Variants in COL16A1 observed in about 807,000 individuals in gnomAD.
The protein encoded by COL16A1 is collagen type XVI alpha 1 chain, also known as collagen alpha-1(XVI) chain.
A neutral mutation model predicts 266.3 loss-of-function variants in COL16A1; 189 were observed. The observed-to-expected ratio is 0.71, with a 90% CI of 0.63 to 0.80. COL16A1 has a LOEUF of 0.80. Ranked by LOEUF, COL16A1 falls within the 30% of genes least tolerant of loss-of-function variation. The probability of loss-of-function intolerance (pLI) is 0.00; values close to 1 mark genes in which losing one functional copy is unlikely to be tolerated. For synonymous variants in COL16A1, 740 were observed against 782.3 expected (o/e 0.95, Z 0.90); for missense variants, 1,928 against 2,122.4 (o/e 0.91, Z 1.80).
rs896681284 is a variant in COL16A1, at chr1:31,690,343, T to C, written c.1509+24A>G. 4 of 1,613,274 alleles carry C rather than the reference T, an allele frequency of 2.5e-6. No homozygotes were observed. In the African/African-American group the frequency reaches 4.0e-5, roughly 16 times the overall value. ...AGGGGGTCCCGTTCCCACCCCGATC[T>C]GGGCAGCCAGGCCTAGGACTCACCT... On this transcript the variant is annotated intron_variant, in intron 22 of 70. Coordinates refer to ENST00000373672, the MANE Select transcript of COL16A1 (RefSeq NM_001856.4).
At chr1:31,703,048 A>G (rs1202943959) in intron 1 of COL16A1, among the ~76,000 whole-genome samples, 1 of 152,180 alleles carries the variant, frequency 6.6e-6, no homozygotes, top group African/African-American at 2.4e-5. Context: ...AGCACAGCAC[A>G]TGCAGATGCG....
rs373921831 is a variant in COL16A1 at position 31,672,447 on chromosome 1, G to A, written c.3074C>T (p.Pro1025Leu). 6.2e-7 allele frequency: 1 copy of A among 1,614,188 alleles called. No individual in the cohort carries two copies. Among genetic ancestry groups the A allele is most frequent in the Non-Finnish European group, 8.5e-7 (1 of 1,180,028 alleles). ...GCVGSPGLPG[P>L]PGLPGQRGEE... ...TCCTCTCTGGCCTGGCAATCCCGGA[G>A]GACCAGGTAGGCCTGGGCTCCCAAC... The change falls in exon 47 of 71, where the codon CCT (proline) becomes CTT (leucine). Residue 1025 changes from proline (P) to leucine (L), a missense_variant. By Grantham distance (98) the Pro-to-Leu change is moderately conservative. This residue lies in a region of COL16A1 where 1,552 missense variants were observed against 1,637.2 expected (regional missense o/e 0.95). Coordinates refer to ENST00000373672, the MANE Select transcript of COL16A1 (RefSeq NM_001856.4).
chr1:31,662,796 G>C, intron 56 of COL16A1, 138 bp from the exon 57 acceptor site: 1 of 835,492 alleles, frequency 1.2e-6, no homozygotes, highest in East Asian at 2.7e-5. Flanking sequence ...GGCCCAATCT[G>C]TCCCTGTCTA....
chr1:31,665,330 C>T, intron 55 of COL16A1, 96 bp from the exon 56 acceptor site: 1 of 1,525,906 alleles, frequency 6.6e-7, no homozygotes. Flanking sequence ...GTTGTTAATG[C>T]AATTCATTTT....
At chr1:31,700,140 A>G in intron 2 of COL16A1, 25 bp from the exon 3 acceptor site, 2 of 1,612,806 alleles carry the variant, frequency 1.2e-6, no homozygotes, top group Non-Finnish European at 1.7e-6. Context: ...GCAGGGGGGC[A>G]TTAGGTGCGC....
At chr1:31,678,358 C>G (rs2148740303) in intron 42 of COL16A1, among the ~76,000 whole-genome samples, 1 of 152,292 alleles carries the variant, frequency 6.6e-6, no homozygotes, top group Non-Finnish European at 1.5e-5. Flanking sequence ...CCACCTAGAA[C>G]CTCTGGAAAA....
At chr1:31,673,065 G>A (rs1463718727) in intron 44 of COL16A1, 2 of 620,274 alleles carry the variant, frequency 3.2e-6, no homozygotes, top group Non-Finnish European at 5.9e-6. Context: ...AAGAAGCTCT[G>A]GTACAGCTAA....
At chr1:31,671,169 C>G (rs1324091019) in intron 48 of COL16A1, among the ~76,000 whole-genome samples, 1 of 152,228 alleles carries the variant, frequency 6.6e-6, no homozygotes, top group Non-Finnish European at 1.5e-5. Flanking sequence ...AGAGATGGCC[C>G]TACAGAGCAA....
rs757571546 is a variant in COL16A1, at chr1:31,698,070, C to T, written c.493G>A (p.Asp165Asn). 1.6e-5 allele frequency: 26 copies of T among 1,613,864 alleles called. No homozygotes were observed. The highest frequency in any genetic ancestry group is 4.4e-5 in the South Asian group (4 of 91,074). Residue 165 changes from aspartate (D) to asparagine (N), a missense_variant, in exon 6 of 71, where the codon GAC becomes AAC. Asp to Asn is a conservative substitution (Grantham distance 23). Coordinates refer to ENST00000373672, the MANE Select transcript of COL16A1 (RefSeq NM_001856.4). This position sits in a 1 kb window ranked among gnomAD's most constrained non-coding sequence, Gnocchi z 4.1. ...SCIFPVPQLF[D>N]LRWHKLMLSV... Reference sequence around the variant, plus strand: ...AGCATCAGCTTGTGCCAACGCAAGTCGAAGAGCTGGGGCACTGGGAAGATG... The same window carrying T: ...AGCATCAGCTTGTGCCAACGCAAGTTGAAGAGCTGGGGCACTGGGAAGATG...
chr1:31,699,347 A>C lies in COL16A1; in HGVS notation c.266+466T>G, dbSNP rs374789829. On this transcript the variant is annotated intron_variant, in intron 4 of 70. Transcript: ENST00000373672. ...GGTGGAAGGAGAGATACTGAAAAAA[A>C]GATGGAAAGGGTTCAGCATGACCAG... 4.0e-4 allele frequency among the ~76,000 whole-genome samples: 61 copies of C among 152,236 alleles called. 1 individual carries two copies. The highest frequency in any genetic ancestry group is 1.4e-3 in the African/African-American group (57 of 41,472).
Position 31,690,386 on chromosome 1 carries a change from G to C in COL16A1, c.1490C>G (p.Pro497Arg). 1.2e-6 allele frequency: 2 copies of C among 1,614,136 alleles called. No homozygotes were observed. Among genetic ancestry groups the C allele is most frequent in the Non-Finnish European group, 1.7e-6 (2 of 1,180,036 alleles). ...ACTCACCTTCTCTCCCTTCACACCT[G>C]GCTTCCCCTGTTAGAAAAGAGGCAA... The part of the protein sequence containing the change: ...KEGPGGKPGK[P>R]GVKGEKGDPC... Residue 497 changes from proline to arginine, a missense_variant, in exon 22 of 71, where the codon CCA becomes CGA. By Grantham distance (103) the Pro-to-Arg change is moderately radical. Transcript: ENST00000373672.
chr1:31,699,796 C>T lies in COL16A1; in HGVS notation c.266+17G>A. 1.4e-6 allele frequency: 2 copies of T among 1,474,130 alleles called. No individual in the cohort carries two copies. Among genetic ancestry groups the T allele is most frequent in the Non-Finnish European group, 1.9e-6 (2 of 1,055,432 alleles). The allele number at this position is 1,474,130 out of a possible 1,614,324, so 91.3% of individuals were successfully genotyped here. A position where few individuals can be genotyped will look rare whatever the true frequency, so the allele number is the denominator to read the frequency against. ...GAGGTCAGTGTTGATTCTCAGTGGT[C>T]ACATGGATGCATTTACCGCGTGGGC... On this transcript the variant is annotated intron_variant, in intron 4 of 70. Transcript: ENST00000373672.
chr1:31,691,241 A>T lies in COL16A1; in HGVS notation c.1399-15T>A, dbSNP rs778294267. ...CCTGGATCCCCCTGAGGGCAGAAAC[A>T]GAGTCACGTGGAAGTTTCCAGGGAC... is the stretch of plus-strand genomic sequence containing the variant. On this transcript the variant is annotated splice_polypyrimidine_tract_variant and intron_variant, in intron 19 of 70. Transcript: ENST00000373672. The T allele has an allele frequency of 6.2e-7, 1 of 1,613,648 alleles. No individual in the cohort carries two copies. Among genetic ancestry groups the T allele is most frequent in the Non-Finnish European group, 8.5e-7 (1 of 1,179,814 alleles).
chr1:31,662,863 A>G, intron 56 of COL16A1: 1 of 603,068 alleles, frequency 1.7e-6, no homozygotes, highest in Non-Finnish European at 2.9e-6. Flanking sequence ...TCTGCAAAGC[A>G]TCCCCTTTCC....
intron 4 of COL16A1, 30 bp downstream of exon 4, chr1:31,699,783 G>A: frequency 7.3e-7 from 1 of 1,373,348 alleles, no homozygotes; most frequent in African/African-American, 1.4e-5. Flanking sequence ...GGTCAGTGTT[G>A]ATTCTCAGTG....
intron 70 of COL16A1, 151 bp downstream of exon 70, chr1:31,653,448 A>G (rs890267176): frequency 2.0e-5 from 18 of 912,732 alleles, no homozygotes; most frequent in African/African-American, 1.2e-4. Flanking sequence ...AGGCCCTGGC[A>G]GAGTGTCTTG....
At chr1:31,700,180 C>A (rs1375494757) in intron 2 of COL16A1, 65 bp from the exon 3 acceptor site, 8 of 1,470,260 alleles carry the variant, frequency 5.4e-6, no homozygotes, top group Non-Finnish European at 6.7e-6. Context: ...CGGCTGGACG[C>A]CTGGGGAACC....
chr1:31,680,981 G>A (rs1388939749), intron 38 of COL16A1, 42 bp downstream of exon 38: 1 of 1,613,790 alleles, frequency 6.2e-7, no homozygotes, highest in East Asian at 2.2e-5. Context: ...GCCGAGGCAG[G>A]GCCGGCCATG....
At position 31,670,522 on chromosome 1, in the gene COL16A1, C is replaced by A; in HGVS notation, c.3195+80G>T. 1 of 1,304,628 alleles carries A rather than the reference C, an allele frequency of 7.7e-7. No homozygotes were observed. The highest frequency in any genetic ancestry group is 9.8e-7 in the Non-Finnish European group (1 of 1,018,728). The allele number at this position is 1,304,628 out of a possible 1,614,324, so 80.8% of individuals were successfully genotyped here. ...AACACGGAGGACGGAGGTGAAGGCA[C>A]GACAGGAGGGAGACAAGCAAAAGCC... On this transcript the variant is annotated intron_variant, in intron 49 of 70. Transcript: ENST00000373672. The surrounding 1 kb of genome is among the most constrained non-coding windows in gnomAD (Gnocchi z 4.5).
Sources: gnomAD v4.1 joint callset for allele counts (sites outside exome capture counted in the v4.1 genomes callset) on GRCh38, gnomAD v4.1.1 for gene constraint, gnomAD v4.1.1 regional missense constraint, Gnocchi (gnomAD v3.1) non-coding constraint, MANE v1.5 for transcripts, NCBI Gene and HGNC (gene_info 2026-07-23, HGNC 2026-07-21) for gene names.